CDK14: variants seen among roughly 807,000 people sequenced by gnomAD.
The protein encoded by CDK14 is cyclin-dependent kinase 14.
CDK14 carries 34 observed loss-of-function variants against 60.7 expected under a neutral mutation model. The observed-to-expected ratio is 0.56, with a 90% CI of 0.43 to 0.75. CDK14 has a LOEUF of 0.75. CDK14 is among the 30% of genes least tolerant of loss of function. The pLI is 0.00. For missense variants in CDK14, 482 were observed against 564.1 expected (o/e 0.85, Z 1.47); for synonymous variants, 197 against 203.7 (o/e 0.97, Z 0.28).
intron 14 of CDK14, among the ~76,000 whole-genome samples, chr7:91,159,150 G>T (rs1801086369): frequency 6.6e-6 from 1 of 152,142 alleles, no homozygotes; most frequent in South Asian, 2.1e-4. Flanking sequence ...CTTTTAACTG[G>T]AAACAGAGAA....
chr7:90,711,176 G>A (rs193009550), intron 2 of CDK14, among the ~76,000 whole-genome samples: 3 of 151,986 alleles, frequency 2.0e-5, no homozygotes, highest in African/African-American at 4.8e-5. Context: ...AAGAAAGATC[G>A]CCTGATTAGT....
intron 1 of CDK14, among the ~76,000 whole-genome samples, chr7:90,598,704 A>ATTTGTTTTTT (rs1554416545): frequency 8.0e-5 from 7 of 87,902 alleles, no homozygotes; most frequent in Non-Finnish European, 1.4e-4. Flanking sequence ...TTATCTAAGG[A>ATTTGTTTTTT]TTTTTTTTTT....
rs528349270 is a variant in CDK14, at chr7:90,812,164, C to T, written c.544+21512C>T. ...AACATGCTGTTATAAAGACACATGC[C>T]CATGTATGTTTATTGTGGCACTATT... is the stretch of plus-strand genomic sequence containing the variant. On this transcript the variant is annotated intron_variant, in intron 5 of 14. Coordinates refer to ENST00000380050, the MANE Select transcript of CDK14 (RefSeq NM_001287135.2). Among the ~76,000 whole-genome samples, 3 of 152,204 alleles carry T rather than the reference C, an allele frequency of 2.0e-5. No homozygotes were observed. The East Asian group carries it at 5.8e-4, about 29-fold the overall frequency.
chr7:90,645,776 A>C (rs1396494257), intron 2 of CDK14, among the ~76,000 whole-genome samples: 1 of 152,230 alleles, frequency 6.6e-6, no homozygotes, highest in Non-Finnish European at 1.5e-5. Context: ...GATACAAAAG[A>C]TTTTCCATCT....
intron 3 of CDK14, among the ~76,000 whole-genome samples, chr7:90,734,364 A>G (rs976217657): frequency 1.3e-5 from 2 of 152,190 alleles, no homozygotes; most frequent in Non-Finnish European, 2.9e-5. Context: ...CTGCCTTGCT[A>G]GGTTGGGGAA....
intron 5 of CDK14, among the ~76,000 whole-genome samples, chr7:90,810,934 G>A (rs1424582966): frequency 6.6e-6 from 1 of 151,904 alleles, no homozygotes; most frequent in East Asian, 1.9e-4. Flanking sequence ...TCTTCAAGGA[G>A]AACTACAAAC....
intron 5 of CDK14, among the ~76,000 whole-genome samples, chr7:90,802,624 T>G (rs1788684569): frequency 6.6e-6 from 1 of 152,188 alleles, no homozygotes; most frequent in Non-Finnish European, 1.5e-5. Flanking sequence ...TGAGCAAGTC[T>G]TAAACTTGCT....
intron 4 of CDK14, among the ~76,000 whole-genome samples, chr7:90,757,951 A>G (rs1220536071): frequency 2.0e-5 from 3 of 152,160 alleles, no homozygotes; most frequent in Non-Finnish European, 4.4e-5. Flanking sequence ...GGCATAGTTT[A>G]GAAGCTTGAG....
chr7:90,781,918 A>G (rs939810322), intron 4 of CDK14, among the ~76,000 whole-genome samples: 2 of 152,048 alleles, frequency 1.3e-5, no homozygotes, highest in Non-Finnish European at 2.9e-5. Context: ...TTGGTTCCAT[A>G]TGAACTTTAA....
At chr7:90,925,870 A>G (rs1045661112) in intron 8 of CDK14, among the ~76,000 whole-genome samples, 1 of 152,218 alleles carries the variant, frequency 6.6e-6, no homozygotes, top group East Asian at 1.9e-4. Flanking sequence ...ATGTGGGGAA[A>G]TTAAATCACT....
chr7:91,141,196 T>C (rs1168910827), intron 14 of CDK14, among the ~76,000 whole-genome samples: 10 of 152,192 alleles, frequency 6.6e-5, no homozygotes, highest in Admixed American at 6.5e-4. Flanking sequence ...TGAGGAAGTG[T>C]AAGTTTCATG....
intron 10 of CDK14, among the ~76,000 whole-genome samples, chr7:91,033,941 G>A (rs78946363): frequency 0.06 from 9,086 of 152,176 alleles, 389 homozygotes; most frequent in Middle Eastern, 0.16. Flanking sequence ...AAAAACAGTA[G>A]GAGAACAGGG....
At chr7:90,889,784 T>C (rs551194075) in intron 6 of CDK14, among the ~76,000 whole-genome samples, 2 of 152,308 alleles carry the variant, frequency 1.3e-5, no homozygotes, top group East Asian at 1.9e-4. Context: ...AATAAGTCTA[T>C]ACAGGAACAG....
intron 2 of CDK14, among the ~76,000 whole-genome samples, chr7:90,683,351 T>C (rs62469730): frequency 0.08 from 12,128 of 152,262 alleles, 513 homozygotes; most frequent in South Asian, 0.1. Flanking sequence ...TAGGAACCTC[T>C]TCAAGTTGGC....
At chr7:90,720,908 T>C (rs573941145) in intron 2 of CDK14, among the ~76,000 whole-genome samples, 12 of 152,286 alleles carry the variant, frequency 7.9e-5, no homozygotes, top group South Asian at 2.1e-4. Context: ...GATGCTTTTT[T>C]CAAGTCAGAG....
intron 2 of CDK14, among the ~76,000 whole-genome samples, chr7:90,640,174 C>G (rs1309531009): frequency 6.6e-6 from 1 of 152,014 alleles, no homozygotes. Flanking sequence ...GAACCCGGTA[C>G]CTCAGATGGA....
intron 9 of CDK14, among the ~76,000 whole-genome samples, chr7:90,968,867 C>A (rs1794836543): frequency 6.6e-6 from 1 of 151,188 alleles, no homozygotes; most frequent in Non-Finnish European, 1.5e-5. Context: ...TAGCTCTCTT[C>A]CCACAGAAAT....
chr7:90,851,313 A>G (rs781528190), intron 5 of CDK14, among the ~76,000 whole-genome samples: 6 of 152,162 alleles, frequency 3.9e-5, no homozygotes, highest in Non-Finnish European at 8.8e-5. Flanking sequence ...GTCAAATTAC[A>G]AATATATTCA....
At chr7:90,972,896 C>T (rs1449337834) in intron 9 of CDK14, among the ~76,000 whole-genome samples, 1 of 152,168 alleles carries the variant, frequency 6.6e-6, no homozygotes, top group Middle Eastern at 3.2e-3. Context: ...GTTAGAAATG[C>T]AGGATCTCAG....
Sources: gnomAD v4.1 joint callset for allele counts (sites outside exome capture counted in the v4.1 genomes callset) on GRCh38, gnomAD v4.1.1 for gene constraint, MANE v1.5 for transcripts, NCBI Gene and HGNC (gene_info 2026-07-23, HGNC 2026-07-21) for gene names.